The following ERC2 variants were observed in gnomAD, a reference collection of about 807,000 sequenced individuals.
The protein encoded by ERC2 is ERC protein 2.
A neutral mutation model predicts 114.8 loss-of-function variants in ERC2; 42 were observed. The ratio of observed to expected loss-of-function variants is 0.37; its 90% confidence interval spans 0.29 to 0.47. The LOEUF (loss-of-function observed/expected upper bound fraction) is 0.47. Among genes scored for constraint, ERC2 ranks in the 20% least tolerant of loss-of-function variants. The pLI is 0.99. For synonymous variants in ERC2, 454 were observed against 425.5 expected, an observed-to-expected ratio of 1.07 and a Z score of -0.82; for missense variants, 939 against 1,150.7, an observed-to-expected ratio of 0.82 and a Z score of 2.66.
At chr3:56,033,028 AAC>A (rs370502417) in intron 7 of ERC2, among the ~76,000 whole-genome samples, 4,301 of 58,216 alleles carry the variant, frequency 0.074, 144 homozygotes, top group Middle Eastern at 0.085. Flanking sequence ...AGAAAAAAGA[AAC>A]AGAAAGAAAG....
chr3:56,082,499 A>G (rs2077289756), intron 6 of ERC2, among the ~76,000 whole-genome samples: 1 of 152,038 alleles, frequency 6.6e-6, no homozygotes, highest in Non-Finnish European at 1.5e-5. Context: ...ATGAACTAAG[A>G]CAACCACCAT....
At chr3:55,676,421 C>T (rs2061813582) in intron 17 of ERC2, among the ~76,000 whole-genome samples, 1 of 148,874 alleles carries the variant, frequency 6.7e-6, no homozygotes, top group African/African-American at 2.5e-5. Flanking sequence ...TGGCTGGTTT[C>T]GCTGACGTTT....
intron 3 of ERC2, among the ~76,000 whole-genome samples, chr3:56,245,781 T>C (rs1175180003): frequency 2.6e-5 from 4 of 152,018 alleles, no homozygotes; most frequent in Admixed American, 2.6e-4. Context: ...TGACCAGTGA[T>C]CCACCCAACT....
At chr3:56,317,311 T>C (rs956689853) in intron 2 of ERC2, among the ~76,000 whole-genome samples, 9 of 152,086 alleles carry the variant, frequency 5.9e-5, no homozygotes, top group Non-Finnish European at 1.5e-5. Flanking sequence ...TTTAAATGCA[T>C]GGCATCTTGG....
chr3:55,575,835 A>T (rs570052022), intron 17 of ERC2, among the ~76,000 whole-genome samples: 1 of 152,338 alleles, frequency 6.6e-6, no homozygotes, highest in South Asian at 2.1e-4. Flanking sequence ...ACTTTGTGCC[A>T]AGCCCTGGGC....
intron 4 of ERC2, among the ~76,000 whole-genome samples, chr3:56,150,964 C>T (rs1366816955): frequency 2.0e-5 from 3 of 152,070 alleles, no homozygotes; most frequent in Non-Finnish European, 4.4e-5. Flanking sequence ...TGCTCACTCT[C>T]GCTCTCTCTA....
chr3:55,534,467 G>A (rs1400519073), intron 17 of ERC2, among the ~76,000 whole-genome samples: 1 of 151,772 alleles, frequency 6.6e-6, no homozygotes, highest in African/African-American at 2.4e-5. Context: ...GCCAAGATGG[G>A]TGGATCACTT....
intron 2 of ERC2, among the ~76,000 whole-genome samples, chr3:56,382,901 T>A (rs762698397): frequency 6.6e-6 from 1 of 152,160 alleles, no homozygotes; most frequent in African/African-American, 2.4e-5. Flanking sequence ...AAGGTTCAGA[T>A]GCCCAAAACC....
chr3:56,132,416 G>A (rs928639707), intron 6 of ERC2, among the ~76,000 whole-genome samples: 14 of 152,212 alleles, frequency 9.2e-5, no homozygotes, highest in African/African-American at 3.4e-4. Context: ...CTGTGACTCA[G>A]AGACAGAAAA....
intron 2 of ERC2, among the ~76,000 whole-genome samples, chr3:56,319,181 C>A: frequency 6.6e-6 from 1 of 152,000 alleles, no homozygotes; most frequent in East Asian, 1.9e-4. Flanking sequence ...AAGACAAATT[C>A]ACACTCCTGT....
chr3:55,970,560 T>C (rs530370412), intron 12 of ERC2, among the ~76,000 whole-genome samples: 88 of 152,172 alleles, frequency 5.8e-4, no homozygotes, highest in Admixed American at 9.8e-4. Flanking sequence ...AAATAAGATA[T>C]ACAAATGGCC....
At chr3:56,331,800 C>T (rs896257853) in intron 2 of ERC2, among the ~76,000 whole-genome samples, 1 of 152,246 alleles carries the variant, frequency 6.6e-6, no homozygotes, top group South Asian at 2.1e-4. Context: ...CTTTGAGAGC[C>T]ACTGAAGTTT....
rs372163131 is a variant in ERC2, at chr3:56,296,031, T to C, written c.1062A>G (p.Ile354Met). The change falls in exon 3 of 18, where the codon ATA (isoleucine) becomes ATG (methionine). Residue 354 changes from isoleucine (I) to methionine (M), a missense_variant. This residue lies in a region of ERC2 where 148 missense variants were observed against 159.1 expected (regional missense o/e 0.93). Transcript: ENST00000288221. ...TGAATGCTCTTACCTCTCTAAGATG[T>C]ATGTTTTCCTTCTCTTTCTGATCTA... ...VILDQKEKENIHLREELHRRS... is the reference protein window; with the variant it reads ...VILDQKEKENMHLREELHRRS... 3 of 1,593,146 alleles carry C rather than the reference T, an allele frequency of 1.9e-6. No individual in the cohort carries two copies. In the African/African-American group the frequency reaches 4.1e-5, roughly 22 times the overall value.
At chr3:55,901,054 C>A (rs1260519285) in intron 13 of ERC2, among the ~76,000 whole-genome samples, 1 of 152,108 alleles carries the variant, frequency 6.6e-6, no homozygotes, top group Non-Finnish European at 1.5e-5. Context: ...AACCCAGGAC[C>A]ACAAGACCCT....
chr3:55,640,033 GC>G (rs554861654), intron 17 of ERC2, among the ~76,000 whole-genome samples: 278 of 152,306 alleles, frequency 1.8e-3, no homozygotes, highest in African/African-American at 6.4e-3. Context: ...AGCTTAACGA[GC>G]GCTGCCTGGG....
intron 13 of ERC2, among the ~76,000 whole-genome samples, chr3:55,919,653 G>A (rs2065300994): frequency 6.6e-6 from 1 of 152,164 alleles, no homozygotes; most frequent in South Asian, 2.1e-4. Flanking sequence ...TAAGTAAAAT[G>A]TGTAATAACT....
At chr3:56,147,185 T>C (rs2081185631) in intron 5 of ERC2, among the ~76,000 whole-genome samples, 1 of 152,246 alleles carries the variant, frequency 6.6e-6, no homozygotes, top group Admixed American at 6.5e-5. Context: ...TCAGAATGAT[T>C]TGGGCACTGT....
chr3:55,743,609 A>G (rs886754972), intron 14 of ERC2, among the ~76,000 whole-genome samples: 4 of 151,560 alleles, frequency 2.6e-5, no homozygotes, highest in Admixed American at 6.6e-5. Flanking sequence ...AAAAAAAAAA[A>G]AAAAGAAACA....
intron 2 of ERC2, among the ~76,000 whole-genome samples, chr3:56,429,563 TA>T (rs1413138332): frequency 6.6e-6 from 1 of 152,214 alleles, no homozygotes; most frequent in Non-Finnish European, 1.5e-5. Context: ...CACCCTGGTT[TA>T]TACACCAAGA....
Sources: allele counts gnomAD v4.1 joint callset (sites outside exome capture counted in the v4.1 genomes callset), GRCh38; gene constraint gnomAD v4.1.1; regional missense constraint gnomAD v4.1.1; transcripts MANE v1.5; gene names NCBI Gene and HGNC (gene_info 2026-07-23, HGNC 2026-07-21).